Variants in RBL2 observed in about 807,000 individuals in gnomAD.
RBL2 encodes the protein RB transcriptional corepressor like 2, also known as retinoblastoma-like protein 2.
Under a neutral mutation model 126.0 loss-of-function variants are expected in RBL2, and 56 were observed. That is an observed-to-expected ratio of 0.44 (90% confidence interval 0.36 to 0.56). The LOEUF is 0.56. Among genes scored for constraint, RBL2 ranks in the 20% least tolerant of loss-of-function variants. RBL2 has a pLI of 0.00. For missense variants in RBL2, 1,229 were observed against 1,398.2 expected, an observed-to-expected ratio of 0.88 and a Z score of 1.93; for synonymous variants, 454 against 478.5, an observed-to-expected ratio of 0.95 and a Z score of 0.67.
At position 53,462,672 on chromosome 16, in the gene RBL2, A is replaced by G. The variant is rs1439452215; in HGVS notation, c.1560+17A>G. ...GATTTATCTGTGAGTAAAATAACCAATGTATTGATCAGCGCAATGAAACAT... is the reference window on the plus strand; with the variant it reads ...GATTTATCTGTGAGTAAAATAACCAGTGTATTGATCAGCGCAATGAAACAT... On this transcript the variant is annotated intron_variant, in intron 11 of 21. Transcript: ENST00000262133. 4.9e-6 allele frequency: 7 copies of G among 1,443,092 alleles called. No individual in the cohort carries two copies. Among genetic ancestry groups the G allele is most frequent in the East Asian group, 2.4e-5 (1 of 42,416 alleles). 89.4% of individuals were successfully genotyped at this position (1,443,092 alleles called of 1,614,324 possible).
chr16:53,477,190 A>G (rs1960756981), intron 17 of RBL2, among the ~76,000 whole-genome samples: 1 of 152,212 alleles, frequency 6.6e-6, no homozygotes, highest in Non-Finnish European at 1.5e-5. Context: ...CGTTACACAT[A>G]TTACATCCAT....
In RBL2 at chr16:53,470,632, A is replaced by C. The variant is rs2058313951; in HGVS notation, c.2495A>C (p.Lys832Thr). The C allele has an allele frequency of 6.2e-7, 1 of 1,614,070 alleles. No individual in the cohort carries two copies. Among genetic ancestry groups the C allele is most frequent in the Admixed American group, 1.7e-5 (1 of 60,010 alleles). The change falls in exon 16 of 22, where the codon AAG becomes ACG. Residue 832 changes from lysine to threonine, a missense_variant. By Grantham distance (78) the Lys-to-Thr change is moderately conservative. Transcript: ENST00000262133. ...SVTSSSNRPR[K>T]TSSLSLFFRK... is the part of the protein sequence containing the mutation. ...ACCAGCAGTAGTAATAGACCCAGGAAGACCAGCTCTTTATCGCTTTTCTTT... is the reference window on the plus strand; with the variant it reads ...ACCAGCAGTAGTAATAGACCCAGGACGACCAGCTCTTTATCGCTTTTCTTT...
intron 11 of RBL2, among the ~76,000 whole-genome samples, chr16:53,463,440 C>T (rs1271214224): frequency 6.6e-6 from 1 of 151,846 alleles, no homozygotes; most frequent in Non-Finnish European, 1.5e-5. Flanking sequence ...GATTCTTGAA[C>T]AGTGTTGCCT....
intron 2 of RBL2, among the ~76,000 whole-genome samples, chr16:53,441,324 A>C (rs1022703721): frequency 2.0e-5 from 3 of 152,098 alleles, no homozygotes; most frequent in Admixed American, 6.6e-5. Context: ...TTTACTAGCA[A>C]ATTTGGTGGT....
At chr16:53,476,174 A>C (rs1489092443) in intron 17 of RBL2, among the ~76,000 whole-genome samples, 1 of 152,114 alleles carries the variant, frequency 6.6e-6, no homozygotes, top group African/African-American at 2.4e-5. Context: ...TCCTCCGTGC[A>C]CTGCTTTAGC....
At position 53,470,240 on chromosome 16, in the gene RBL2, G is replaced by A. The variant is rs1027022345; in HGVS notation, c.2245+55G>A. The A allele has an allele frequency of 3.2e-6, 5 of 1,564,864 alleles. No homozygotes were observed. The African/African-American group carries it at 6.8e-5, about 21-fold the overall frequency. On this transcript the variant is annotated intron_variant, in intron 15 of 21. Coordinates refer to ENST00000262133, the MANE Select transcript of RBL2 (RefSeq NM_005611.4). Reference sequence around the variant, plus strand: ...CCTTCTCTGTGGCATGTATTGAAAAGTTACCCGAGGTTTGGCTAGAGTGAC... The same window carrying A: ...CCTTCTCTGTGGCATGTATTGAAAAATTACCCGAGGTTTGGCTAGAGTGAC...
At chr16:53,459,836 A>G (rs545771921) in intron 9 of RBL2, among the ~76,000 whole-genome samples, 1 of 152,114 alleles carries the variant, frequency 6.6e-6, no homozygotes, top group African/African-American at 2.4e-5. Context: ...CACAGTAACT[A>G]ATAACACCAG....
intron 3 of RBL2, among the ~76,000 whole-genome samples, chr16:53,444,942 A>G (rs1027374351): frequency 3.3e-5 from 5 of 152,216 alleles, no homozygotes; most frequent in East Asian, 1.9e-4. Context: ...ATGGGAAGAT[A>G]TCTTCTTTCT....
In RBL2 at chr16:53,453,482, C is replaced by T; in HGVS notation, c.797C>T (p.Ser266Phe). The T allele has an allele frequency of 6.2e-7, 1 of 1,613,254 alleles. No individual in the cohort carries two copies. Among genetic ancestry groups the T allele is most frequent in the Non-Finnish European group, 8.5e-7 (1 of 1,179,446 alleles). ...TCTGAAGATTTTCATGCTAAAGATT[C>T]TAAACCTTCCTCTGACCCCCCTTGT... is the stretch of plus-strand genomic sequence containing the variant. ...GLSEDFHAKD[S>F]KPSSDPPCII... Residue 266 changes from serine to phenylalanine, a missense_variant, in exon 6 of 22, where the codon TCT (serine) becomes TTT (phenylalanine). Transcript: ENST00000262133.
At chr16:53,443,925 T>G (rs949154533) in intron 3 of RBL2, among the ~76,000 whole-genome samples, 2 of 152,158 alleles carry the variant, frequency 1.3e-5, no homozygotes, top group African/African-American at 2.4e-5. Context: ...TCTAGCTCAC[T>G]TACAGTTTTG....
Position 53,434,725 on chromosome 16 carries a change from A to C in RBL2, c.169A>C (p.Asn57His), listed in dbSNP as rs2057938437. The C allele has an allele frequency of 6.4e-7, 1 of 1,555,656 alleles. No individual in the cohort carries two copies. The highest frequency in any genetic ancestry group is 8.6e-7 in the Non-Finnish European group (1 of 1,160,216). ...GTTCGACGAGCTGTGCAGCCGCCTC[A>C]ACATGGACGAGGCGGCGCGGGCCGA... ...QRFDELCSRL[N>H]MDEAARAEAW... The change falls in exon 1 of 22, where the codon AAC becomes CAC. Residue 57 changes from asparagine to histidine, a missense_variant. By Grantham distance (68) the Asn-to-His change is moderately conservative. Coordinates refer to ENST00000262133, the MANE Select transcript of RBL2 (RefSeq NM_005611.4).
At chr16:53,439,859 G>A (rs2057996732) in intron 2 of RBL2, among the ~76,000 whole-genome samples, 1 of 149,994 alleles carries the variant, frequency 6.7e-6, no homozygotes, top group South Asian at 2.1e-4. Context: ...TGCAGGCCTA[G>A]CTACTTGGGA....
intron 2 of RBL2, among the ~76,000 whole-genome samples, chr16:53,442,287 T>C (rs887002776): frequency 1.3e-5 from 2 of 152,150 alleles, no homozygotes; most frequent in Admixed American, 6.5e-5. Context: ...ACATGGGTGA[T>C]AGAACGAAAC....
At chr16:53,439,239 G>C (rs185823059) in intron 2 of RBL2, 93 bp downstream of exon 2, 16 of 1,214,510 alleles carry the variant, frequency 1.3e-5, no homozygotes, top group Non-Finnish European at 1.7e-5. Flanking sequence ...ATCATTTTCT[G>C]AGCATTTGTA....
At chr16:53,482,710 T>G (rs1448457353) in intron 21 of RBL2, among the ~76,000 whole-genome samples, 1 of 149,842 alleles carries the variant, frequency 6.7e-6, no homozygotes. Context: ...CTCGGGAGGC[T>G]AAGGCAGGAA....
rs1286461821 is a variant in RBL2, at chr16:53,470,804, A to G, written c.2585A>G (p.Asp862Gly). ...RDLCAKLDIS[D>G]ELRKKIWTCF... ...CTCTGTGCCAAACTAGATATTTCAG[A>G]TGAATTGAGGAAAAAAATCTGGACC... The change falls in exon 17 of 22, where the codon GAT becomes GGT. Residue 862 changes from aspartate to glycine, a missense_variant. Physicochemically the swap from Asp to Gly is moderately conservative, Grantham distance 94. This residue lies in a region of RBL2 where 1,070 missense variants were observed against 1,274.3 expected (regional missense o/e 0.84). Transcript: ENST00000262133. 3 of 1,614,224 alleles carry G rather than the reference A, an allele frequency of 1.9e-6. No homozygotes were observed. The highest frequency in any genetic ancestry group is 8.5e-7 in the Non-Finnish European group (1 of 1,180,028).
At chr16:53,474,307 T>G (rs1960639100) in intron 17 of RBL2, among the ~76,000 whole-genome samples, 1 of 107,264 alleles carries the variant, frequency 9.3e-6, no homozygotes, top group South Asian at 3.9e-4. Flanking sequence ...ATTCTTTTAT[T>G]TATTTATTTA....
chr16:53,471,786 T>C (rs1960534250), intron 17 of RBL2, among the ~76,000 whole-genome samples: 1 of 152,174 alleles, frequency 6.6e-6, no homozygotes, highest in Admixed American at 6.5e-5. Flanking sequence ...CTATTTTAAG[T>C]TGAACAATTT....
intron 17 of RBL2, among the ~76,000 whole-genome samples, chr16:53,476,699 C>G (rs1567744345): frequency 1.3e-5 from 2 of 152,128 alleles, no homozygotes. Flanking sequence ...GTTATAGATT[C>G]CTGATGGCTT....
Sources: gnomAD v4.1 joint callset for allele counts (sites outside exome capture counted in the v4.1 genomes callset) on GRCh38, gnomAD v4.1.1 for gene constraint, gnomAD v4.1.1 regional missense constraint, MANE v1.5 for transcripts, NCBI Gene and HGNC (gene_info 2026-07-23, HGNC 2026-07-21) for gene names.